MBOAT2: variants seen among roughly 807,000 people sequenced by gnomAD.
MBOAT2 encodes the protein membrane bound glycerophospholipid O-acyltransferase 2, also known as membrane-bound glycerophospholipid O-acyltransferase 2.
MBOAT2 carries 28 observed loss-of-function variants against 63.4 expected under a neutral mutation model. That is an observed-to-expected ratio of 0.44 (90% CI 0.33 to 0.61). MBOAT2 has a LOEUF of 0.61. Among genes scored for constraint, MBOAT2 ranks in the 20% least tolerant of loss-of-function variants. The pLI, the probability that MBOAT2 is intolerant of heterozygous loss-of-function variation, is 0.03. For synonymous variants in MBOAT2, 211 were observed against 215.6 expected, an observed-to-expected ratio of 0.98 and a Z score of 0.19; for missense variants, 470 against 605.8, an observed-to-expected ratio of 0.78 and a Z score of 2.35.
intron 6 of MBOAT2, among the ~76,000 whole-genome samples, chr2:8,882,283 G>A (rs1047426079): frequency 3.9e-5 from 6 of 152,208 alleles, no homozygotes; most frequent in African/African-American, 1.4e-4. Flanking sequence ...GTGGCCCATA[G>A]GAGGCGCAAA....
intron 1 of MBOAT2, among the ~76,000 whole-genome samples, chr2:8,966,820 T>G (rs1475159916): frequency 6.6e-6 from 1 of 152,158 alleles, no homozygotes. Context: ...GGATTGAAAA[T>G]AGTCCTACCC....
chr2:8,969,325 A>C (rs908730295), intron 1 of MBOAT2, among the ~76,000 whole-genome samples: 1 of 152,188 alleles, frequency 6.6e-6, no homozygotes, highest in Non-Finnish European at 1.5e-5. Context: ...AAATGCTGAG[A>C]GATTTTGTCA....
chr2:8,881,875 G>C (rs951132180), intron 6 of MBOAT2, among the ~76,000 whole-genome samples: 13 of 152,006 alleles, frequency 8.6e-5, no homozygotes, highest in Non-Finnish European at 1.9e-4. Context: ...TTCTAGATTT[G>C]GAAACAACGT....
At chr2:8,929,179 G>A (rs1275145434) in intron 3 of MBOAT2, among the ~76,000 whole-genome samples, 1 of 152,120 alleles carries the variant, frequency 6.6e-6, no homozygotes, top group Admixed American at 6.5e-5. Flanking sequence ...CACTGTTCCA[G>A]TCCCCCAAAA....
At chr2:8,933,754 T>C (rs1453634350) in intron 3 of MBOAT2, among the ~76,000 whole-genome samples, 1 of 152,190 alleles carries the variant, frequency 6.6e-6, no homozygotes, top group African/African-American at 2.4e-5. Context: ...GAACTTCTTT[T>C]TACTCTAATA....
intron 7 of MBOAT2, among the ~76,000 whole-genome samples, chr2:8,873,851 C>A (rs1459379498): frequency 1.3e-5 from 2 of 152,120 alleles, no homozygotes; most frequent in African/African-American, 4.8e-5. Flanking sequence ...ATAAAAGACC[C>A]TGGTGAAAGG....
rs1363041234 is a variant in MBOAT2, at chr2:8,853,337, A to G, written c.*5342T>C. On this transcript the variant is annotated 3_prime_UTR_variant, in exon 13 of 13. Coordinates refer to ENST00000305997, the MANE Select transcript of MBOAT2 (RefSeq NM_138799.4). Reference sequence around the variant, plus strand: ...ATAAAGCCAGAGGCAAATGTACTTCATTGATAAATCTGTGTGCGCAGAACC... The same window carrying G: ...ATAAAGCCAGAGGCAAATGTACTTCGTTGATAAATCTGTGTGCGCAGAACC... The G allele has an allele frequency of 1.3e-5, 2 of 152,242 alleles. No individual in the cohort carries two copies. The highest frequency in any genetic ancestry group is 2.9e-5 in the Non-Finnish European group (2 of 68,026). 9.4% of individuals were successfully genotyped at this position (152,242 alleles called of 1,614,324 possible).
In MBOAT2 at chr2:8,928,905, G is replaced by C. The variant is rs191351069; in HGVS notation, c.299+14282C>G. 5.1e-3 allele frequency among the ~76,000 whole-genome samples: 777 copies of C among 152,270 alleles called. 4 individuals are homozygous for C. The highest frequency in any genetic ancestry group is 8.8e-3 in the Non-Finnish European group (600 of 68,018). ...GACTATACCACCTCCCTCCTAAAAA[G>C]ATCTCAGGGACTCTCAGAGATCTCT... On this transcript the variant is annotated intron_variant, in intron 3 of 12. Coordinates refer to ENST00000305997, the MANE Select transcript of MBOAT2 (RefSeq NM_138799.4).
chr2:8,988,904 G>A (rs1380932173), intron 1 of MBOAT2, among the ~76,000 whole-genome samples: 1 of 152,060 alleles, frequency 6.6e-6, no homozygotes, highest in Admixed American at 6.6e-5. Context: ...AAGAAAAAAG[G>A]GAAGTGTTAA....
intron 3 of MBOAT2, among the ~76,000 whole-genome samples, chr2:8,942,967 C>A (rs370964923): frequency 3.9e-5 from 6 of 152,294 alleles, no homozygotes; most frequent in African/African-American, 1.4e-4. Context: ...CAGGTTAGTA[C>A]TGAATGTCAA....
At chr2:8,988,232 G>A (rs1044177485) in intron 1 of MBOAT2, among the ~76,000 whole-genome samples, 1 of 152,158 alleles carries the variant, frequency 6.6e-6, no homozygotes, top group Non-Finnish European at 1.5e-5. Flanking sequence ...GTCATTTGTA[G>A]CATCCTTAAA....
intron 3 of MBOAT2, among the ~76,000 whole-genome samples, chr2:8,928,352 C>T (rs2103194253): frequency 6.6e-6 from 1 of 152,226 alleles, no homozygotes; most frequent in African/African-American, 2.4e-5. Flanking sequence ...GGTGCAGAAA[C>T]ATGTGACGCT....
In MBOAT2 at chr2:8,924,268, A is replaced by C. The variant is rs1666786477; in HGVS notation, c.300-15552T>G. 2.0e-5 allele frequency among the ~76,000 whole-genome samples: 3 copies of C among 152,114 alleles called. No homozygotes were observed. In the South Asian group the frequency reaches 6.2e-4, roughly 32 times the overall value. The stretch of plus-strand genomic sequence containing the variant: ...AAATTCACCATTCCTCTAGGATCCC[A>C]TTTCACTGATTAATAGCCTCACTAG... On this transcript the variant is annotated intron_variant, in intron 3 of 12. Transcript: ENST00000305997.
At chr2:8,874,771 G>A (rs1662583619) in intron 7 of MBOAT2, among the ~76,000 whole-genome samples, 1 of 152,202 alleles carries the variant, frequency 6.6e-6, no homozygotes, top group Admixed American at 6.5e-5. Flanking sequence ...TTTCCCAGGA[G>A]CCCTCCTCCC....
chr2:8,899,277 G>A (rs1013752805), intron 4 of MBOAT2, among the ~76,000 whole-genome samples: 3 of 152,172 alleles, frequency 2.0e-5, no homozygotes, highest in Non-Finnish European at 2.9e-5. Context: ...ATAAGGGTGT[G>A]GGACTTTCAG....
At chr2:8,883,215 T>C (rs1207622754) in intron 5 of MBOAT2, among the ~76,000 whole-genome samples, 1 of 152,056 alleles carries the variant, frequency 6.6e-6, no homozygotes, top group Non-Finnish European at 1.5e-5. Flanking sequence ...AAAGTAGTAA[T>C]ATTCCCCCAA....
At chr2:8,925,482 A>G (rs961910583) in intron 3 of MBOAT2, among the ~76,000 whole-genome samples, 1 of 152,244 alleles carries the variant, frequency 6.6e-6, no homozygotes, top group Admixed American at 6.5e-5. Context: ...AAGGATGAAG[A>G]CACCACCATG....
chr2:8,983,392 G>A (rs1371353603), intron 1 of MBOAT2, among the ~76,000 whole-genome samples: 1 of 152,038 alleles, frequency 6.6e-6, no homozygotes, highest in African/African-American at 2.4e-5. Context: ...AACTGTTAAC[G>A]AAACACTTTG....
intron 4 of MBOAT2, among the ~76,000 whole-genome samples, chr2:8,897,213 TC>T (rs543491216): frequency 2.1e-5 from 3 of 143,878 alleles, no homozygotes; most frequent in Admixed American, 2.0e-4. Flanking sequence ...CTTTGTCTCT[TC>T]CTCTCTGTCT....
Sources: allele counts gnomAD v4.1 joint callset (sites outside exome capture counted in the v4.1 genomes callset), GRCh38; gene constraint gnomAD v4.1.1; transcripts MANE v1.5; gene names NCBI Gene and HGNC (gene_info 2026-07-23, HGNC 2026-07-21).